The following ANKS1B variants were observed in gnomAD, a reference collection of about 807,000 sequenced individuals.
ANKS1B encodes ankyrin repeat and sterile alpha motif domain-containing protein 1B.
In ANKS1B, 36 loss-of-function variants were observed where a neutral mutation model predicts 148.3. The ratio of observed to expected loss-of-function variants is 0.24; its 90% CI spans 0.19 to 0.32. ANKS1B has a LOEUF of 0.32. ANKS1B is among the 10% of genes least tolerant of loss of function. ANKS1B has a pLI of 1.00. For synonymous variants in ANKS1B, 542 were observed against 560.8 expected, an observed-to-expected ratio of 0.97 and a Z score of 0.47; for missense variants, 1,157 against 1,542.6, an observed-to-expected ratio of 0.75 and a Z score of 4.19.
chr12:99,805,303 T>C (rs1343181417), intron 4 of ANKS1B, among the ~76,000 whole-genome samples: 4 of 95,918 alleles, frequency 4.2e-5, no homozygotes, highest in African/African-American at 1.6e-4. Context: ...AACCCTGGAG[T>C]TGGGGCTAAC....
chr12:99,869,681 C>CAAA (rs34916090), intron 1 of ANKS1B, among the ~76,000 whole-genome samples: 12 of 123,558 alleles, frequency 9.7e-5, no homozygotes, highest in African/African-American at 3.5e-4. Context: ...AACTTTGTCT[C>CAAA]AAAAAAAAAA....
At chr12:99,515,264 A>C (rs1402033604) in intron 9 of ANKS1B, among the ~76,000 whole-genome samples, 1 of 152,008 alleles carries the variant, frequency 6.6e-6, no homozygotes, top group Non-Finnish European at 1.5e-5. Context: ...ACTCCATTTT[A>C]TTTATTCTTT....
intron 14 of ANKS1B, among the ~76,000 whole-genome samples, chr12:99,162,557 C>T (rs1440869760): frequency 6.6e-6 from 1 of 152,038 alleles, no homozygotes; most frequent in Middle Eastern, 3.2e-3. Context: ...CAATCTGCAT[C>T]ATCCATCCTC....
intron 9 of ANKS1B, among the ~76,000 whole-genome samples, chr12:99,521,430 G>A (rs1487917357): frequency 2.0e-5 from 3 of 152,040 alleles, no homozygotes; most frequent in African/African-American, 7.2e-5. Flanking sequence ...TATTTTCCAG[G>A]ATGGTCTTGA....
At chr12:99,958,404 A>T (rs1309709252) in intron 1 of ANKS1B, among the ~76,000 whole-genome samples, 1 of 152,052 alleles carries the variant, frequency 6.6e-6, no homozygotes, top group Non-Finnish European at 1.5e-5. Context: ...GTTTTTTGAG[A>T]CAGGGTCTCA....
chr12:99,423,936 C>T (rs577632302), intron 11 of ANKS1B, among the ~76,000 whole-genome samples: 22 of 152,028 alleles, frequency 1.4e-4, no homozygotes, highest in East Asian at 1.4e-3. Flanking sequence ...CCCCCCACCC[C>T]GACACAAGTT....
intron 16 of ANKS1B, among the ~76,000 whole-genome samples, chr12:99,065,540 T>C (rs2043834881): frequency 6.6e-6 from 1 of 152,022 alleles, no homozygotes; most frequent in Non-Finnish European, 1.5e-5. Context: ...AGGAGTATAC[T>C]CACGTTCACT....
At chr12:99,527,156 G>A (rs2096934785) in intron 9 of ANKS1B, among the ~76,000 whole-genome samples, 1 of 152,092 alleles carries the variant, frequency 6.6e-6, no homozygotes, top group South Asian at 2.1e-4. Flanking sequence ...GTTAAGGTAT[G>A]CAGTTTGTAG....
intron 2 of ANKS1B, among the ~76,000 whole-genome samples, chr12:99,812,552 CACACACAGAG>C (rs781022763): frequency 0.019 from 1,644 of 86,604 alleles, 9 homozygotes; most frequent in Middle Eastern, 0.024. Context: ...CACACACACA[CACACACAGAG>C]AGAGAGAGAG....
intron 1 of ANKS1B, among the ~76,000 whole-genome samples, chr12:99,842,663 C>G (rs1031585420): frequency 6.6e-6 from 1 of 152,050 alleles, no homozygotes; most frequent in African/African-American, 2.4e-5. Flanking sequence ...CCCTGTTCCC[C>G]GGCTATGAAT....
chr12:98,844,007 C>A (rs1476889293), intron 17 of ANKS1B, among the ~76,000 whole-genome samples: 2 of 152,128 alleles, frequency 1.3e-5, no homozygotes, highest in Non-Finnish European at 2.9e-5. Flanking sequence ...TCCTTCCCAT[C>A]ATGTATTAAC....
chr12:99,820,243 G>A (rs1032782800), intron 2 of ANKS1B, among the ~76,000 whole-genome samples: 1 of 151,852 alleles, frequency 6.6e-6, no homozygotes, highest in African/African-American at 2.4e-5. Flanking sequence ...AGATGAATAT[G>A]AAATAATGCA....
At chr12:99,706,380 A>C (rs949949032) in intron 8 of ANKS1B, 5 of 152,062 alleles carry the variant, frequency 3.3e-5, no homozygotes, top group African/African-American at 1.2e-4. Context: ...ATTCAAGTAA[A>C]ATCCTCTAAA....
intron 14 of ANKS1B, among the ~76,000 whole-genome samples, chr12:99,164,978 G>T (rs2077057426): frequency 6.6e-6 from 1 of 151,836 alleles, no homozygotes; most frequent in Non-Finnish European, 1.5e-5. Flanking sequence ...GTTTCCATTT[G>T]TTTGTAGTTT....
intron 1 of ANKS1B, among the ~76,000 whole-genome samples, chr12:99,839,914 C>T (rs1326497082): frequency 6.6e-6 from 1 of 151,618 alleles, no homozygotes; most frequent in African/African-American, 2.4e-5. Flanking sequence ...TTAATTACTG[C>T]TGCTAGTTAG....
At chr12:99,004,306 C>T (rs1248923103) in intron 17 of ANKS1B, among the ~76,000 whole-genome samples, 1 of 152,064 alleles carries the variant, frequency 6.6e-6, no homozygotes, top group African/African-American at 2.4e-5. Flanking sequence ...TGACTTCAAG[C>T]AAGTTACTTT....
At chr12:99,701,324 T>C (rs34483169) in intron 8 of ANKS1B, among the ~76,000 whole-genome samples, 29,420 of 152,140 alleles carry the variant, frequency 0.19, 3,173 homozygotes, top group Middle Eastern at 0.24. Context: ...CAATAGTATA[T>C]AGATGAGCCT....
chr12:99,681,525 C>A (rs1008644957), intron 8 of ANKS1B, among the ~76,000 whole-genome samples: 1 of 152,154 alleles, frequency 6.6e-6, no homozygotes, highest in Non-Finnish European at 1.5e-5. Flanking sequence ...TCTTTGCAGA[C>A]ACTCCCCAGT....
rs183692060 is a variant in ANKS1B at position 99,590,727 on chromosome 12, G to A, written c.1272+64340C>T. Among the ~76,000 whole-genome samples the A allele has an allele frequency of 3.4e-3, 521 of 152,320 alleles. 2 individuals are homozygous for A. Among genetic ancestry groups the A allele is most frequent in the Non-Finnish European group, 5.8e-3 (396 of 68,022 alleles). On this transcript the variant is annotated intron_variant, in intron 9 of 26. Coordinates refer to ENST00000683438, the MANE Select transcript of ANKS1B (RefSeq NM_001352186.2). ...TAGAAAATGGCTACAGGTAAAAGAA[G>A]TGGTGTTCACTGAATTCATAGACTC... is the stretch of plus-strand genomic sequence containing the variant.
Sources: gnomAD v4.1 joint callset for allele counts (sites outside exome capture counted in the v4.1 genomes callset) on GRCh38, gnomAD v4.1.1 for gene constraint, MANE v1.5 for transcripts, NCBI Gene and HGNC (gene_info 2026-07-23, HGNC 2026-07-21) for gene names.